The following FBN2 variants were observed in gnomAD, a reference collection of about 807,000 sequenced individuals.
FBN2 encodes fibrillin 2.
In FBN2, 105 loss-of-function variants were observed where a neutral mutation model predicts 355.6. The ratio of observed to expected loss-of-function variants is 0.30; its 90% CI spans 0.25 to 0.35. The LOEUF is 0.35. Ranked by LOEUF, FBN2 falls within the 10% of genes least tolerant of loss-of-function variation. The pLI is 1.00. For synonymous variants in FBN2, 1,350 were observed against 1,301.2 expected, an observed-to-expected ratio of 1.04 and a Z score of -0.81; for missense variants, 3,280 against 3,758.7, an observed-to-expected ratio of 0.87 and a Z score of 3.33.
At chr5:128,388,089 A>G (rs993274239) in intron 11 of FBN2, among the ~76,000 whole-genome samples, 1 of 152,146 alleles carries the variant, frequency 6.6e-6, no homozygotes, top group Non-Finnish European at 1.5e-5. Flanking sequence ...CTTTATTATT[A>G]TGTAATGGCC....
In FBN2 at chr5:128,349,084, G is replaced by A. The variant is rs978231798; in HGVS notation, c.2989+263C>T. Among the ~76,000 whole-genome samples, 10 of 152,318 alleles carry A rather than the reference G, an allele frequency of 6.6e-5. No homozygotes were observed. The East Asian group carries it at 1.2e-3, about 18-fold the overall frequency. The stretch of plus-strand genomic sequence containing the variant: ...CTCTATTAACTCAGTGTGAAAGACT[G>A]AACCTGTCTAAATTATCTGGTTAAA... On this transcript the variant is annotated intron_variant, in intron 23 of 64. Transcript: ENST00000262464.
rs372500479 is a variant in FBN2 at position 128,331,566 on chromosome 5, C to T, written c.4223-871G>A. 1.4e-4 allele frequency among the ~76,000 whole-genome samples: 21 copies of T among 152,226 alleles called. No individual in the cohort carries two copies. The South Asian group carries it at 1.7e-3, about 12-fold the overall frequency. On this transcript the variant is annotated intron_variant, in intron 32 of 64. Coordinates refer to ENST00000262464, the MANE Select transcript of FBN2 (RefSeq NM_001999.4). ...GTTATAGTGAAGACTATGAAGAGATCGAATCCATGGTTTAAAAGCTTCCTC... is the reference window on the plus strand; with the variant it reads ...GTTATAGTGAAGACTATGAAGAGATTGAATCCATGGTTTAAAAGCTTCCTC...
chr5:128,537,395 A>C lies in FBN2; in HGVS notation c.209T>G (p.Val70Gly). 1 of 1,610,422 alleles carries C rather than the reference A, an allele frequency of 6.2e-7. No individual in the cohort carries two copies. The highest frequency in any genetic ancestry group is 8.5e-7 in the Non-Finnish European group (1 of 1,179,542). Residue 70 changes from valine (V) to glycine (G), a missense_variant, in exon 1 of 65, where the codon GTG becomes GGG. By Grantham distance (109) the Val-to-Gly change is moderately radical (BLOSUM62 -3). This residue lies in a region of FBN2 where 203 missense variants were observed against 142.2 expected (regional missense o/e 1.43). Coordinates refer to ENST00000262464, the MANE Select transcript of FBN2 (RefSeq NM_001999.4). Reference sequence around the variant, plus strand: ...TCCTCGCCGGCGGACGCGGCTGGCCACTGCGGCACCCTCCTCGCGATACTC... The same window carrying C: ...TCCTCGCCGGCGGACGCGGCTGGCCCCTGCGGCACCCTCCTCGCGATACTC... ...APEYREEGAA[V>G]ASRVRRRGQQ...
intron 34 of FBN2, 23 bp downstream of exon 34, chr5:128,328,673 G>C: frequency 6.2e-7 from 1 of 1,613,502 alleles, no homozygotes; most frequent in South Asian, 1.1e-5. Flanking sequence ...ACTTGAAAAT[G>C]AGTTGGAATC....
chr5:128,351,768 C>A (rs1030728911), intron 20 of FBN2, among the ~76,000 whole-genome samples: 2 of 151,834 alleles, frequency 1.3e-5, no homozygotes, highest in African/African-American at 4.8e-5. Context: ...GCCATGTTGC[C>A]CAGGTTGGTC....
At position 128,369,318 on chromosome 5, in the gene FBN2, A is replaced by T. The variant is rs780580082; in HGVS notation, c.2112T>A (p.Ser704Arg). Residue 704 changes from serine to arginine, a missense_variant, in exon 16 of 65, where the codon AGT (serine) becomes AGA (arginine). Physicochemically the swap from Ser to Arg is moderately radical, Grantham distance 110 (BLOSUM62 -1). Coordinates refer to ENST00000262464, the MANE Select transcript of FBN2 (RefSeq NM_001999.4). The stretch of plus-strand genomic sequence containing the variant: ...CTTTCTTGATTCCTCCATAGCAGGT[A>T]CTGCGCATGTGAGTATCTAAAGGAG... ...GRVCVDTHMR[S>R]TCYGGIKKGV... 6.2e-7 allele frequency: 1 copy of T among 1,614,148 alleles called. No homozygotes were observed. Among genetic ancestry groups the T allele is most frequent in the Admixed American group, 1.7e-5 (1 of 60,000 alleles).
At chr5:128,516,356 C>T (rs115195037) in intron 5 of FBN2, among the ~76,000 whole-genome samples, 1 of 151,158 alleles carries the variant, frequency 6.6e-6, no homozygotes. Flanking sequence ...TTACAATTAG[C>T]CTGTAACCAC....
intron 34 of FBN2, among the ~76,000 whole-genome samples, chr5:128,327,273 T>C (rs767820189): frequency 6.6e-6 from 1 of 152,126 alleles, no homozygotes; most frequent in Non-Finnish European, 1.5e-5. Context: ...GTTCATCCCC[T>C]TTTTCTGAGT....
At chr5:128,411,389 G>A (rs994167572) in intron 7 of FBN2, among the ~76,000 whole-genome samples, 1 of 152,228 alleles carries the variant, frequency 6.6e-6, no homozygotes, top group African/African-American at 2.4e-5. Flanking sequence ...GGTGTATGCA[G>A]AGGATTTTAT....
Position 128,376,732 on chromosome 5 carries a change from A to C in FBN2, c.1971T>G (p.Thr657=), listed in dbSNP as rs757938600. 3.1e-6 allele frequency: 5 copies of C among 1,613,586 alleles called. No homozygotes were observed. Among genetic ancestry groups the C allele is most frequent in the African/African-American group, 2.7e-5 (2 of 74,906 alleles). Reference sequence around the variant, plus strand: ...TTCCTATCTGAAAGCCACACATACCAGTACAGTAACGCCCATTTGGAGCCA... The same window carrying C: ...TTCCTATCTGAAAGCCACACATACCCGTACAGTAACGCCCATTTGGAGCCA... ...FVLAPNGRYC[T]DVDECQTPGI... Residue 657 remains threonine (T), a splice_region_variant and synonymous_variant, in exon 14 of 65, where the codon ACT becomes ACG. Coordinates refer to ENST00000262464, the MANE Select transcript of FBN2 (RefSeq NM_001999.4).
intron 6 of FBN2, among the ~76,000 whole-genome samples, chr5:128,452,933 A>C (rs1754292306): frequency 6.6e-6 from 1 of 152,136 alleles, no homozygotes; most frequent in African/African-American, 2.4e-5. Flanking sequence ...TTCCATTAGT[A>C]AACAGAAATT....
At chr5:128,419,016 T>C (rs1753276998) in intron 7 of FBN2, among the ~76,000 whole-genome samples, 1 of 152,214 alleles carries the variant, frequency 6.6e-6, no homozygotes, top group African/African-American at 2.4e-5. Flanking sequence ...ATTCTTAATT[T>C]AACAAGGCTT....
At position 128,366,636 on chromosome 5, in the gene FBN2, T is replaced by C. The variant is rs1751775584; in HGVS notation, c.2249-206A>G. Among the ~76,000 whole-genome samples, 9 of 152,106 alleles carry C rather than the reference T, an allele frequency of 5.9e-5. No homozygotes were observed. In the South Asian group the frequency reaches 1.9e-3, roughly 31 times the overall value. On this transcript the variant is annotated intron_variant, in intron 16 of 64. Coordinates refer to ENST00000262464, the MANE Select transcript of FBN2 (RefSeq NM_001999.4). ...ATAAAAGAGTAAAAATCACTTGTAA[T>C]CATCATCCTGAATATTATTAATACA...
intron 11 of FBN2, among the ~76,000 whole-genome samples, chr5:128,384,126 C>T (rs1752307926): frequency 6.6e-6 from 1 of 152,008 alleles, no homozygotes; most frequent in South Asian, 2.1e-4. Context: ...AATGATTTTT[C>T]CCACCACAAC....
intron 25 of FBN2, among the ~76,000 whole-genome samples, chr5:128,341,920 C>T (rs763443989): frequency 3.6e-4 from 54 of 152,096 alleles, no homozygotes; most frequent in Non-Finnish European, 7.4e-4. Context: ...GAGAGAGAGA[C>T]ATCAAAATTC....
chr5:128,278,807 C>T lies in FBN2; in HGVS notation c.7173G>A (p.Leu2391=), dbSNP rs1463009225. ...TGGATGCCATTTGACATATTGTCTG[C>T]AGTACCTCTGCAAAGCAGAGACCCT... The part of the protein sequence containing the change: ...NRQGLCFAEV[L]QTICQMASSS... The change falls in exon 57 of 65, where the codon CTG becomes CTA. Residue 2391 remains leucine, a synonymous_variant. Coordinates refer to ENST00000262464, the MANE Select transcript of FBN2 (RefSeq NM_001999.4). The T allele has an allele frequency of 6.2e-7, 1 of 1,613,928 alleles. No homozygotes were observed.
At chr5:128,325,634 T>C (rs917350052) in intron 34 of FBN2, among the ~76,000 whole-genome samples, 2 of 152,226 alleles carry the variant, frequency 1.3e-5, no homozygotes, top group Non-Finnish European at 2.9e-5. Context: ...CTTTGTTTTA[T>C]TGCAGGAAAA....
intron 48 of FBN2, among the ~76,000 whole-genome samples, chr5:128,293,122 CTA>C (rs539254334): frequency 3.6e-4 from 55 of 152,224 alleles, no homozygotes; most frequent in African/African-American, 1.2e-3. Context: ...GTACACATAT[CTA>C]TGTCTGTGTA....
intron 5 of FBN2, among the ~76,000 whole-genome samples, chr5:128,490,440 C>A (rs867517449): frequency 6.6e-6 from 1 of 152,142 alleles, no homozygotes. Flanking sequence ...ACCTGTTCCT[C>A]AAAATTCCAC....
Sources: gnomAD v4.1 joint callset for allele counts (sites outside exome capture counted in the v4.1 genomes callset) on GRCh38, gnomAD v4.1.1 for gene constraint, gnomAD v4.1.1 regional missense constraint, MANE v1.5 for transcripts, NCBI Gene and HGNC (gene_info 2026-07-23, HGNC 2026-07-21) for gene names.